Variants in CNTN5 observed in about 807,000 individuals in gnomAD.
CNTN5 encodes contactin-5.
A neutral mutation model predicts 129.1 loss-of-function variants in CNTN5; 77 were observed. The ratio of observed to expected loss-of-function variants is 0.60; its 90% CI spans 0.50 to 0.72. The LOEUF is 0.72. CNTN5 is among the 30% of genes least tolerant of loss of function. The pLI is 0.00. For missense variants in CNTN5, 1,478 were observed against 1,328.8 expected (o/e 1.11, Z -1.75); for synonymous variants, 509 against 465.6 (o/e 1.09, Z -1.20).
chr11:99,379,438 G>T (rs1940389885), intron 2 of CNTN5, among the ~76,000 whole-genome samples: 1 of 151,898 alleles, frequency 6.6e-6, no homozygotes, highest in African/African-American at 2.4e-5. Flanking sequence ...CAATTGAAAT[G>T]ACAAATCAAA....
intron 18 of CNTN5, among the ~76,000 whole-genome samples, chr11:100,274,972 G>A (rs1381866379): frequency 6.6e-6 from 1 of 152,082 alleles, no homozygotes; most frequent in Admixed American, 6.5e-5. Flanking sequence ...TAACAAACCT[G>A]CACATGTACC....
intron 1 of CNTN5, among the ~76,000 whole-genome samples, chr11:99,105,533 C>A (rs955710158): frequency 6.6e-6 from 1 of 152,224 alleles, no homozygotes; most frequent in Non-Finnish European, 1.5e-5. Context: ...AGCATCTAGT[C>A]ATGCAGCAAC....
intron 1 of CNTN5, among the ~76,000 whole-genome samples, chr11:99,309,651 A>G (rs1002404661): frequency 4.6e-5 from 7 of 152,184 alleles, no homozygotes; most frequent in African/African-American, 1.7e-4. Context: ...TATCAATACC[A>G]CTATTCCATG....
chr11:99,444,309 C>T (rs1296906572), intron 2 of CNTN5, among the ~76,000 whole-genome samples: 1 of 151,988 alleles, frequency 6.6e-6, no homozygotes, highest in African/African-American at 2.4e-5. Flanking sequence ...GGTTATTTGT[C>T]AGAAGATAGT....
At chr11:99,726,944 G>C (rs764408484) in intron 3 of CNTN5, among the ~76,000 whole-genome samples, 3 of 152,024 alleles carry the variant, frequency 2.0e-5, no homozygotes, top group Non-Finnish European at 2.9e-5. Context: ...TTACATAAAA[G>C]ATAATAGAAA....
intron 2 of CNTN5, among the ~76,000 whole-genome samples, chr11:99,469,169 T>C (rs891238581): frequency 6.6e-6 from 1 of 152,156 alleles, no homozygotes; most frequent in Non-Finnish European, 1.5e-5. Context: ...GAAATGACCA[T>C]ATTTAAAATC....
At chr11:100,247,461 T>G (rs1288526821) in intron 16 of CNTN5, among the ~76,000 whole-genome samples, 1 of 152,154 alleles carries the variant, frequency 6.6e-6, no homozygotes. Context: ...GTCACTTAGA[T>G]TAGATTAGTA....
At chr11:99,749,416 T>A (rs560286250) in intron 3 of CNTN5, among the ~76,000 whole-genome samples, 1 of 152,208 alleles carries the variant, frequency 6.6e-6, no homozygotes, top group Non-Finnish European at 1.5e-5. Flanking sequence ...AGTTACTATA[T>A]GAAAAACCCT....
At chr11:99,947,906 C>T (rs1207057225) in intron 7 of CNTN5, among the ~76,000 whole-genome samples, 11 of 152,044 alleles carry the variant, frequency 7.2e-5, no homozygotes, top group Admixed American at 6.5e-5. Context: ...TAAATACCTG[C>T]CTTATGAATT....
intron 4 of CNTN5, among the ~76,000 whole-genome samples, chr11:99,822,817 C>T (rs1145401): frequency 0.67 from 101,612 of 152,104 alleles, 34,019 homozygotes; most frequent in Non-Finnish European, 0.69. Flanking sequence ...ATTAACTTGC[C>T]TCTGGAGAAT....
At chr11:99,948,945 A>G (rs2136140218) in intron 7 of CNTN5, among the ~76,000 whole-genome samples, 1 of 152,290 alleles carries the variant, frequency 6.6e-6, no homozygotes, top group African/African-American at 2.4e-5. Flanking sequence ...TAACTTATGG[A>G]TACAGGGGAG....
intron 3 of CNTN5, among the ~76,000 whole-genome samples, chr11:99,658,577 A>G (rs2135907469): frequency 6.6e-6 from 1 of 152,074 alleles, no homozygotes. Flanking sequence ...TCCGAAAATA[A>G]ATGTAACCAG....
At chr11:99,731,883 C>T (rs1943546852) in intron 3 of CNTN5, among the ~76,000 whole-genome samples, 1 of 152,144 alleles carries the variant, frequency 6.6e-6, no homozygotes, top group Admixed American at 6.5e-5. Context: ...AGCCCAGATT[C>T]AAAGGAGAAA....
At chr11:100,122,221 T>C (rs1027395635) in intron 13 of CNTN5, among the ~76,000 whole-genome samples, 3 of 151,684 alleles carry the variant, frequency 2.0e-5, no homozygotes, top group African/African-American at 7.3e-5. Context: ...GATGGTGGGG[T>C]GGGGAGGTGG....
At chr11:99,205,056 T>C (rs1345491898) in intron 1 of CNTN5, among the ~76,000 whole-genome samples, 4 of 152,158 alleles carry the variant, frequency 2.6e-5, no homozygotes, top group Admixed American at 6.6e-5. Flanking sequence ...CTTATATTTA[T>C]TTTAAAATCA....
intron 3 of CNTN5, 44 bp downstream of exon 3, chr11:99,556,313 A>G (rs749804724): frequency 1.5e-5 from 18 of 1,190,316 alleles, no homozygotes; most frequent in Non-Finnish European, 1.8e-5. Context: ...CTAAGTATCA[A>G]AATAACCAAA....
chr11:99,117,038 T>A (rs912417804), intron 1 of CNTN5, among the ~76,000 whole-genome samples: 2 of 151,952 alleles, frequency 1.3e-5, no homozygotes, highest in Admixed American at 1.3e-4. Flanking sequence ...CAACAAAAGA[T>A]AAATAGTAAA....
intron 2 of CNTN5, among the ~76,000 whole-genome samples, chr11:99,494,201 A>C (rs887095077): frequency 6.6e-6 from 1 of 152,048 alleles, no homozygotes; most frequent in African/African-American, 2.4e-5. Context: ...GAAGTAATCA[A>C]CTCCATGTGG....
At chr11:99,637,597 A>C (rs1014780916) in intron 3 of CNTN5, among the ~76,000 whole-genome samples, 2 of 152,148 alleles carry the variant, frequency 1.3e-5, no homozygotes, top group Non-Finnish European at 2.9e-5. Context: ...TTTAAGTAGT[A>C]GGAAATGGGC....
Sources: gnomAD v4.1 joint callset for allele counts (sites outside exome capture counted in the v4.1 genomes callset) on GRCh38, gnomAD v4.1.1 for gene constraint, MANE v1.5 for transcripts, NCBI Gene and HGNC (gene_info 2026-07-23, HGNC 2026-07-21) for gene names.